CDH23: variants seen among roughly 807,000 people sequenced by gnomAD.
The protein encoded by CDH23 is cadherin-23.
CDH23 carries 189 observed loss-of-function variants against 317.1 expected under a neutral mutation model. That is an observed-to-expected ratio of 0.60 (90% CI 0.53 to 0.67). The LOEUF (loss-of-function observed/expected upper bound fraction) is 0.67, where lower values mean the gene tolerates loss of function less well. Among genes scored for constraint, CDH23 ranks in the 30% least tolerant of loss-of-function variants. The pLI is 0.00. For missense variants in CDH23, 4,401 were observed against 4,592.4 expected (o/e 0.96, Z 1.20); for synonymous variants, 1,839 against 1,876.8 (o/e 0.98, Z 0.52).
chr10:71,730,673 T>G (rs2132820770), intron 31 of CDH23, 69 bp downstream of exon 31: 1 of 1,590,082 alleles, frequency 6.3e-7, no homozygotes, highest in East Asian at 2.3e-5. Context: ...ACCCAGCCCC[T>G]CCTTCGAAAC....
chr10:71,638,933 C>A (rs1862400495), intron 11 of CDH23, among the ~76,000 whole-genome samples: 1 of 152,060 alleles, frequency 6.6e-6, no homozygotes, highest in Non-Finnish European at 1.5e-5. Flanking sequence ...CTCCTGGCAG[C>A]CGGCTGATAA....
At chr10:71,787,841 A>G (rs1841145660) in intron 44 of CDH23, among the ~76,000 whole-genome samples, 1 of 152,224 alleles carries the variant, frequency 6.6e-6, no homozygotes, top group Non-Finnish European at 1.5e-5. Context: ...TAGTGTGGCG[A>G]TAAACATGTG....
rs959854610 is a variant in CDH23, at chr10:71,407,217, A to G, written c.-6+9899A>G. The stretch of plus-strand genomic sequence containing the variant: ...CACTATACAGATGGAAACTGAACTC[A>G]AGAAAGGACAAAAGTCCCACCTGGG... On this transcript the variant is annotated intron_variant, in intron 1 of 69. Coordinates refer to ENST00000224721, the MANE Select transcript of CDH23 (RefSeq NM_022124.6). Among the ~76,000 whole-genome samples the G allele has an allele frequency of 4.7e-4, 71 of 152,346 alleles. 1 individual carries two copies. Among genetic ancestry groups the G allele is most frequent in the African/African-American group, 1.7e-3 (70 of 41,582 alleles).
chr10:71,629,512 T>C (rs1861904588), intron 11 of CDH23, among the ~76,000 whole-genome samples: 1 of 152,146 alleles, frequency 6.6e-6, no homozygotes, highest in South Asian at 2.1e-4. Context: ...AGGAATGAGA[T>C]GGCAAGCCGC....
chr10:71,603,947 G>T (rs1476539754), intron 9 of CDH23, among the ~76,000 whole-genome samples: 2 of 152,206 alleles, frequency 1.3e-5, no homozygotes, highest in Non-Finnish European at 2.9e-5. Flanking sequence ...ACAGGCAGAA[G>T]CACGCATCTT....
rs568232793 is a variant in CDH23 at position 71,424,886 on chromosome 10, G to A, written c.-5-14941G>A. 2.0e-5 allele frequency among the ~76,000 whole-genome samples: 3 copies of A among 152,294 alleles called. No individual in the cohort carries two copies. The South Asian group carries it at 6.2e-4, about 32-fold the overall frequency. On this transcript the variant is annotated intron_variant, in intron 1 of 69. Transcript: ENST00000224721. ...GCTTCTGCCTGGGGGGCTGAGAGGAGCTCAGGGAAGGCTCCTCAGTCCCCG... is the reference window on the plus strand; with the variant it reads ...GCTTCTGCCTGGGGGGCTGAGAGGAACTCAGGGAAGGCTCCTCAGTCCCCG...
intron 7 of CDH23, among the ~76,000 whole-genome samples, chr10:71,567,919 C>T (rs1029150951): frequency 2.6e-5 from 4 of 152,240 alleles, no homozygotes; most frequent in Admixed American, 2.6e-4. Flanking sequence ...CTGCCTGACA[C>T]TCAGCATCCA....
chr10:71,537,260 A>G (rs1215235718), intron 6 of CDH23, among the ~76,000 whole-genome samples: 1 of 152,174 alleles, frequency 6.6e-6, no homozygotes, highest in Non-Finnish European at 1.5e-5. Flanking sequence ...TCCTAGAATC[A>G]TCGGTTATGT....
intron 3 of CDH23, among the ~76,000 whole-genome samples, chr10:71,463,682 G>A (rs1301884537): frequency 1.3e-5 from 2 of 152,150 alleles, no homozygotes; most frequent in Non-Finnish European, 2.9e-5. Flanking sequence ...AGCATCAGTG[G>A]GTGTGAAGTT....
At chr10:71,611,928 A>C (rs572381072) in intron 9 of CDH23, among the ~76,000 whole-genome samples, 1 of 152,316 alleles carries the variant, frequency 6.6e-6, no homozygotes, top group African/African-American at 2.4e-5. Context: ...TGAAGGAATG[A>C]GTGAATTAAA....
rs747238558 is a variant in CDH23 at position 71,511,201 on chromosome 10, C to T, written c.418C>T (p.Arg140Cys). The part of the protein sequence containing the change: ...PTFHNQPYSV[R>C]IPENTPVGTP... The stretch of plus-strand genomic sequence containing the variant: ...ATTTCACAATCAGCCCTACAGCGTC[C>T]GCATCCCTGAGGTAGGAGCCACTGG... The change falls in exon 6 of 70, where the codon CGC (arginine) becomes TGC (cysteine). Residue 140 changes from arginine (R) to cysteine (C), a missense_variant. Arg to Cys is a radical substitution (Grantham distance 180). Around this residue, in one of 3 missense-constraint regions of CDH23, gnomAD observed 3,068 missense variants for 3,203.3 expected, o/e 0.96. Coordinates refer to ENST00000224721, the MANE Select transcript of CDH23 (RefSeq NM_022124.6). The T allele has an allele frequency of 1.1e-5, 18 of 1,613,338 alleles. No individual in the cohort carries two copies. Among genetic ancestry groups the T allele is most frequent in the African/African-American group, 2.7e-5 (2 of 74,880 alleles).
At chr10:71,522,481 C>A (rs1462320811) in intron 6 of CDH23, among the ~76,000 whole-genome samples, 1 of 152,212 alleles carries the variant, frequency 6.6e-6, no homozygotes, top group Non-Finnish European at 1.5e-5. Context: ...TGGTTAGGAG[C>A]ATGGTATTAG....
chr10:71,803,420 G>A lies in CDH23; in HGVS notation c.7872G>A (p.Glu2624=), dbSNP rs1292050472. Residue 2624 remains glutamate (E), a splice_region_variant and synonymous_variant, in exon 55 of 70, where the codon GAG becomes GAA. Transcript: ENST00000224721. ...PPNGTILHIR[E]EIPLRSNVYE... is the part of the protein sequence containing the mutation. ...ACGGCACCATCCTCCACATCAGAGAGGTACTCCTGCCCCGAGGGCCTCCTG... is the reference window on the plus strand; with the variant it reads ...ACGGCACCATCCTCCACATCAGAGAAGTACTCCTGCCCCGAGGGCCTCCTG... The A allele has an allele frequency of 5.7e-6, 9 of 1,587,048 alleles. No homozygotes were observed. Among genetic ancestry groups the A allele is most frequent in the Non-Finnish European group, 6.9e-6 (8 of 1,167,502 alleles).
At position 71,760,171 on chromosome 10, in the gene CDH23, ATATATGTG is replaced by A. The variant is rs1206609119; in HGVS notation, c.4846-17507_4846-17500del. 3.0e-4 allele frequency among the ~76,000 whole-genome samples: 5 copies of A among 16,816 alleles called. 2 individuals carry two copies. The highest frequency in any genetic ancestry group is 1.7e-3 in the African/African-American group (5 of 2,898). 11.0% of individuals were successfully genotyped at this position (16,816 alleles called of 152,430 possible). Reference sequence around the variant, plus strand: ...TGTGTGTATATATATGTATATACATATATATGTGTGTATATATATGTATATACATATAT... The same window carrying A: ...TGTGTGTATATATATGTATATACATATGTATATATATGTATATACATATAT... On this transcript the variant is annotated intron_variant, in intron 38 of 69. Coordinates refer to ENST00000224721, the MANE Select transcript of CDH23 (RefSeq NM_022124.6).
At chr10:71,792,864 T>TAC (rs1841300246) in intron 47 of CDH23, among the ~76,000 whole-genome samples, 1 of 125,734 alleles carries the variant, frequency 8.0e-6, no homozygotes, top group Non-Finnish European at 1.6e-5. Flanking sequence ...TATATATATA[T>TAC]ATATATATAT....
chr10:71,807,599 A>G lies in CDH23; in HGVS notation c.8392A>G (p.Ile2798Val). The change falls in exon 59 of 70, where the codon ATC (isoleucine) becomes GTC (valine). Residue 2798 changes from isoleucine (I) to valine (V), a missense_variant. Physicochemically the swap from Ile to Val is conservative, Grantham distance 29. Transcript: ENST00000224721. ...LRDLDREREAIFSFIVKASSN... is the reference protein window; with the variant it reads ...LRDLDREREAVFSFIVKASSN... ...GGACCTGGACCGGGAGCGAGAAGCC[A>G]TCTTCTCCTTCATCGTCAAGGCCTC... The G allele has an allele frequency of 1.2e-6, 2 of 1,614,002 alleles. No homozygotes were observed. Among genetic ancestry groups the G allele is most frequent in the Non-Finnish European group, 1.7e-6 (2 of 1,179,884 alleles).
intron 9 of CDH23, among the ~76,000 whole-genome samples, chr10:71,606,740 AG>A (rs1020867188): frequency 6.6e-6 from 1 of 152,098 alleles, no homozygotes; most frequent in African/African-American, 2.4e-5. Flanking sequence ...AGAGAGTGAC[AG>A]GGGTGAGGGT....
At chr10:71,793,054 T>C (rs1589424548) in intron 47 of CDH23, 128 bp from the exon 48 acceptor site, 2 of 625,342 alleles carry the variant, frequency 3.2e-6, no homozygotes, top group East Asian at 2.8e-5. Flanking sequence ...ATGAAAAAGG[T>C]ATAAAAGAAA....
At chr10:71,502,475 TG>T (rs1367060934) in intron 3 of CDH23, among the ~76,000 whole-genome samples, 1 of 152,082 alleles carries the variant, frequency 6.6e-6, no homozygotes, top group Non-Finnish European at 1.5e-5. Context: ...TCATGAGGGA[TG>T]GGGAAGAGGA....
Sources: gnomAD v4.1 joint callset for allele counts (sites outside exome capture counted in the v4.1 genomes callset) on GRCh38, gnomAD v4.1.1 for gene constraint, gnomAD v4.1.1 regional missense constraint, MANE v1.5 for transcripts, NCBI Gene and HGNC (gene_info 2026-07-23, HGNC 2026-07-21) for gene names.